Variants in WDFY2 observed in about 807,000 individuals in gnomAD.
The protein encoded by WDFY2 is WD repeat and FYVE domain-containing protein 2.
WDFY2 carries 36 observed loss-of-function variants against 56.4 expected under a neutral mutation model. The observed-to-expected ratio is 0.64, with a 90% CI of 0.49 to 0.84. The LOEUF (loss-of-function observed/expected upper bound fraction) is 0.84. Among genes scored for constraint, WDFY2 ranks in the 40% least tolerant of loss-of-function variants. The probability of loss-of-function intolerance (pLI) is 0.00; values close to 1 mark genes in which losing one functional copy is unlikely to be tolerated. For synonymous variants in WDFY2, 176 were observed against 183.7 expected (o/e 0.96, Z 0.34); for missense variants, 444 against 512.2 (o/e 0.87, Z 1.29).
intron 1 of WDFY2, among the ~76,000 whole-genome samples, chr13:51,594,897 G>T (rs1006537428): frequency 2.0e-5 from 3 of 152,188 alleles, no homozygotes; most frequent in Admixed American, 1.3e-4. Context: ...ACACCTCTAA[G>T]CAGGTAAGCT....
chr13:51,756,631 T>C (rs1487613328), intron 10 of WDFY2, 169 bp downstream of exon 10: 4 of 985,290 alleles, frequency 4.1e-6, no homozygotes, highest in Non-Finnish European at 3.6e-6. Context: ...ATTTGTGGTA[T>C]CCTGTGAGAT....
intron 1 of WDFY2, 120 bp from the exon 2 acceptor site, chr13:51,660,476 C>G (rs1239399745): frequency 8.3e-6 from 7 of 841,096 alleles, no homozygotes; most frequent in Non-Finnish European, 1.3e-5. Context: ...CTGGGACAGG[C>G]TTGAGCCACC....
At chr13:51,694,638 G>A (rs1951822320) in intron 3 of WDFY2, among the ~76,000 whole-genome samples, 1 of 152,000 alleles carries the variant, frequency 6.6e-6, no homozygotes, top group Non-Finnish European at 1.5e-5. Flanking sequence ...TTCAACTTTG[G>A]TGAATGTGAC....
At chr13:51,752,880 C>G (rs980742836) in intron 8 of WDFY2, 5 of 152,266 alleles carry the variant, frequency 3.3e-5, no homozygotes. Flanking sequence ...GGAGCTGCTT[C>G]GTGGTTATGA....
At chr13:51,738,975 C>T (rs988723950) in intron 6 of WDFY2, 74 bp from the exon 7 acceptor site, 80 of 1,397,258 alleles carry the variant, frequency 5.7e-5, no homozygotes, top group African/African-American at 8.8e-5. Flanking sequence ...GTTCTGTCTC[C>T]GCTGCATTCA....
At chr13:51,740,264 CA>C (rs1952938266) in intron 7 of WDFY2, among the ~76,000 whole-genome samples, 1 of 152,224 alleles carries the variant, frequency 6.6e-6, no homozygotes, top group East Asian at 1.9e-4. Flanking sequence ...TGTTGGAGAA[CA>C]GAACAGCTGT....
In WDFY2 at chr13:51,621,584, T is replaced by C. The variant is rs192492594; in HGVS notation, c.137+36760T>C. On this transcript the variant is annotated intron_variant, in intron 1 of 11. Transcript: ENST00000298125. Reference sequence around the variant, plus strand: ...ATCAGTTACCTGGGAAAGCAGACTTTGATGCAGTTGAGACTATTTTGAATT... The same window carrying C: ...ATCAGTTACCTGGGAAAGCAGACTTCGATGCAGTTGAGACTATTTTGAATT... Among the ~76,000 whole-genome samples the C allele has an allele frequency of 1.6e-4, 25 of 152,320 alleles. No homozygotes were observed. The East Asian group carries it at 4.4e-3, about 27-fold the overall frequency.
chr13:51,756,656 T>TA, intron 10 of WDFY2, 194 bp downstream of exon 10: 4 of 984,914 alleles, frequency 4.1e-6, no homozygotes, highest in Non-Finnish European at 3.6e-6. Flanking sequence ...GAAGAGAAAA[T>TA]ACACTCAAAG....
intron 2 of WDFY2, among the ~76,000 whole-genome samples, chr13:51,670,915 T>G (rs1046545502): frequency 6.6e-6 from 1 of 152,218 alleles, no homozygotes; most frequent in African/African-American, 2.4e-5. Flanking sequence ...TGTATTATTC[T>G]TAGGCCTTTG....
At chr13:51,617,692 G>T (rs1954644944) in intron 1 of WDFY2, among the ~76,000 whole-genome samples, 1 of 152,178 alleles carries the variant, frequency 6.6e-6, no homozygotes, top group Admixed American at 6.5e-5. Context: ...CCTTTCATCT[G>T]CAATCCAGGA....
chr13:51,723,747 G>A (rs941062983), intron 5 of WDFY2, among the ~76,000 whole-genome samples: 9 of 152,128 alleles, frequency 5.9e-5, no homozygotes, highest in African/African-American at 1.7e-4. Context: ...TTGGCAGTTC[G>A]GGTGGTGACA....
At chr13:51,585,238 A>G (rs1953914691) in intron 1 of WDFY2, among the ~76,000 whole-genome samples, 1 of 152,248 alleles carries the variant, frequency 6.6e-6, no homozygotes, top group Admixed American at 6.5e-5. Flanking sequence ...ACTCTCGTAC[A>G]GCTCCCAGGG....
intron 3 of WDFY2, among the ~76,000 whole-genome samples, chr13:51,676,531 G>A (rs947955116): frequency 6.6e-6 from 1 of 152,136 alleles, no homozygotes; most frequent in Non-Finnish European, 1.5e-5. Context: ...TGGAATGTGG[G>A]CCTCCATTTG....
intron 1 of WDFY2, among the ~76,000 whole-genome samples, chr13:51,630,116 T>G (rs556160416): frequency 6.6e-6 from 1 of 152,150 alleles, no homozygotes; most frequent in Non-Finnish European, 1.5e-5. Flanking sequence ...TTAAAGACAT[T>G]GAGTTACTGA....
intron 1 of WDFY2, among the ~76,000 whole-genome samples, chr13:51,624,660 G>A (rs747450694): frequency 6.6e-6 from 1 of 152,176 alleles, no homozygotes; most frequent in Admixed American, 6.5e-5. Flanking sequence ...AATACAGATC[G>A]GGGTAAAGGA....
intron 2 of WDFY2, among the ~76,000 whole-genome samples, chr13:51,670,628 A>T (rs1380508416): frequency 1.3e-5 from 2 of 151,634 alleles, no homozygotes; most frequent in African/African-American, 4.9e-5. Context: ...TAACTCTGAC[A>T]CTCCCCTTTC....
rs1051977048 is a variant in WDFY2 at position 51,703,601 on chromosome 13, T to C, written c.285T>C (p.Phe95=). ...AGTTTTCTTTTCTTTTACAGGAGTTTATATTGTCAGAAGATTATAACAAGA... is the reference window on the plus strand; with the variant it reads ...AGTTTTCTTTTCTTTTACAGGAGTTCATATTGTCAGAAGATTATAACAAGA... ...IGLDNGTISE[F]ILSEDYNKMT... The change falls in exon 4 of 12, where the codon TTT becomes TTC. Residue 95 remains phenylalanine (F), a synonymous_variant. Coordinates refer to ENST00000298125, the MANE Select transcript of WDFY2 (RefSeq NM_052950.4). 3.1e-6 allele frequency: 5 copies of C among 1,604,766 alleles called. No individual in the cohort carries two copies. In the East Asian group the frequency reaches 6.7e-5, roughly 22 times the overall value.
chr13:51,678,429 A>G (rs888637398), intron 3 of WDFY2, among the ~76,000 whole-genome samples: 2 of 152,198 alleles, frequency 1.3e-5, no homozygotes, highest in African/African-American at 4.8e-5. Context: ...TTAAATTCTG[A>G]GATAGTTTAT....
Position 51,706,976 on chromosome 13 carries a change from A to G in WDFY2, c.334+3326A>G, listed in dbSNP as rs769252307. Reference sequence around the variant, plus strand: ...ATGATTGAAGAAAAAAGTTTCAGGAACAACAAGGAAATAAAACGATTATGG... The same window carrying G: ...ATGATTGAAGAAAAAAGTTTCAGGAGCAACAAGGAAATAAAACGATTATGG... On this transcript the variant is annotated intron_variant, in intron 4 of 11. Coordinates refer to ENST00000298125, the MANE Select transcript of WDFY2 (RefSeq NM_052950.4). 8.5e-5 allele frequency among the ~76,000 whole-genome samples: 13 copies of G among 152,236 alleles called. 1 individual carries two copies. The highest frequency in any genetic ancestry group is 3.1e-4 in the African/African-American group (13 of 41,466).
Sources: allele counts gnomAD v4.1 joint callset (sites outside exome capture counted in the v4.1 genomes callset), GRCh38; gene constraint gnomAD v4.1.1; transcripts MANE v1.5; gene names NCBI Gene and HGNC (gene_info 2026-07-23, HGNC 2026-07-21).